The following OCA2 variants were observed in gnomAD, a reference collection of about 807,000 sequenced individuals.
OCA2 encodes P protein.
A neutral mutation model predicts 100.2 loss-of-function variants in OCA2; 77 were observed. The observed-to-expected ratio is 0.77, with a 90% CI of 0.64 to 0.93. The LOEUF is 0.93. Ranked by LOEUF, OCA2 falls within the 40% of genes least tolerant of loss-of-function variation. The pLI is 0.00. For synonymous variants in OCA2, 432 were observed against 439.2 expected (o/e 0.98, Z 0.21); for missense variants, 1,062 against 1,089.1 (o/e 0.98, Z 0.35).
chr15:28,073,547 G>A (rs1254648523), intron 2 of OCA2, among the ~76,000 whole-genome samples: 1 of 152,146 alleles, frequency 6.6e-6, no homozygotes, highest in East Asian at 1.9e-4. Flanking sequence ...GTTATGCATT[G>A]AGCACACATG....
intron 1 of OCA2, among the ~76,000 whole-genome samples, chr15:28,082,463 A>G (rs2044674897): frequency 6.6e-6 from 1 of 152,200 alleles, no homozygotes; most frequent in Non-Finnish European, 1.5e-5. Flanking sequence ...AGAACCCACC[A>G]GAAGGAACCA....
chr15:27,764,945 T>C (rs2031138278), intron 23 of OCA2, among the ~76,000 whole-genome samples: 1 of 152,206 alleles, frequency 6.6e-6, no homozygotes, highest in Admixed American at 6.5e-5. Context: ...AGCTATTTCT[T>C]GATATTTTGT....
chr15:28,045,961 G>T (rs1260166643), intron 2 of OCA2, among the ~76,000 whole-genome samples: 1 of 152,156 alleles, frequency 6.6e-6, no homozygotes, highest in Non-Finnish European at 1.5e-5. Context: ...CAGACCACCA[G>T]CTCTTCACCA....
At chr15:27,989,923 G>A (rs574419108) in intron 10 of OCA2, among the ~76,000 whole-genome samples, 6 of 152,284 alleles carry the variant, frequency 3.9e-5, no homozygotes, top group East Asian at 1.9e-4. Context: ...CCCACATGGC[G>A]GGACTGGCCC....
At chr15:27,932,191 G>A (rs772636825) in intron 18 of OCA2, among the ~76,000 whole-genome samples, 3 of 152,320 alleles carry the variant, frequency 2.0e-5, no homozygotes, top group Middle Eastern at 3.4e-3. Context: ...CTGCTCCCTG[G>A]TTCAGGTAGA....
At chr15:27,756,444 G>C (rs904707618) in intron 23 of OCA2, among the ~76,000 whole-genome samples, 1 of 152,206 alleles carries the variant, frequency 6.6e-6, no homozygotes, top group African/African-American at 2.4e-5. Flanking sequence ...GAAAGTGGTA[G>C]GATTCTCTTG....
chr15:27,975,267 T>C (rs2040929880), intron 14 of OCA2, among the ~76,000 whole-genome samples: 1 of 152,206 alleles, frequency 6.6e-6, no homozygotes, highest in African/African-American at 2.4e-5. Context: ...GCAGCATTCA[T>C]TAAATATTGT....
intron 23 of OCA2, among the ~76,000 whole-genome samples, chr15:27,759,227 G>T (rs199965542): frequency 7.9e-5 from 12 of 152,026 alleles, no homozygotes; most frequent in Non-Finnish European, 1.3e-4. Flanking sequence ...CAGGAATAAA[G>T]GGAGACTCAA....
intron 1 of OCA2, among the ~76,000 whole-genome samples, chr15:28,083,042 G>C (rs560637780): frequency 3.8e-4 from 58 of 152,308 alleles, no homozygotes; most frequent in African/African-American, 1.3e-3. Context: ...TGTGCACTTT[G>C]GCCATGCAGG....
At chr15:27,767,978 C>A (rs1351225076) in intron 23 of OCA2, among the ~76,000 whole-genome samples, 1 of 152,194 alleles carries the variant, frequency 6.6e-6, no homozygotes, top group Non-Finnish European at 1.5e-5. Flanking sequence ...AGCTCAGCAG[C>A]CACAATGGCA....
chr15:27,915,434 T>C (rs867676097), intron 19 of OCA2, among the ~76,000 whole-genome samples: 2 of 152,116 alleles, frequency 1.3e-5, no homozygotes, highest in African/African-American at 4.8e-5. Flanking sequence ...ACCAATGGAA[T>C]GGGAGAAAAT....
chr15:27,964,645 C>T (rs1262411622), intron 15 of OCA2, among the ~76,000 whole-genome samples: 1 of 152,202 alleles, frequency 6.6e-6, no homozygotes, highest in Non-Finnish European at 1.5e-5. Flanking sequence ...CTGGAAGTCA[C>T]TGAGATTTCA....
intron 23 of OCA2, among the ~76,000 whole-genome samples, chr15:27,795,239 G>C (rs1478440697): frequency 6.6e-6 from 1 of 152,116 alleles, no homozygotes; most frequent in Non-Finnish European, 1.5e-5. Context: ...TTATTTAATA[G>C]AGTATTTTAC....
intron 9 of OCA2, among the ~76,000 whole-genome samples, chr15:27,993,879 G>A (rs1008298946): frequency 4.6e-5 from 7 of 152,122 alleles, no homozygotes; most frequent in South Asian, 2.1e-4. Context: ...CTGATGATCC[G>A]CCTCTAGGAT....
intron 14 of OCA2, 37 bp downstream of exon 14, chr15:27,983,308 C>T (rs760880099): frequency 1.3e-5 from 21 of 1,613,080 alleles, no homozygotes; most frequent in African/African-American, 9.3e-5. Flanking sequence ...TGGAGGTGTG[C>T]GTTTACTGGA....
intron 18 of OCA2, among the ~76,000 whole-genome samples, chr15:27,937,885 A>G (rs1051064756): frequency 2.0e-5 from 3 of 152,228 alleles, no homozygotes; most frequent in Non-Finnish European, 4.4e-5. Context: ...ATTTAGTAGT[A>G]CACTTTGAGA....
intron 2 of OCA2, among the ~76,000 whole-genome samples, chr15:28,057,002 G>A (rs983225057): frequency 1.4e-4 from 21 of 152,334 alleles, no homozygotes; most frequent in Admixed American, 2.6e-4. Context: ...CAGAGGCAGT[G>A]GCTGCATTTC....
intron 19 of OCA2, among the ~76,000 whole-genome samples, chr15:27,884,919 A>G (rs1260484847): frequency 6.6e-6 from 1 of 152,182 alleles, no homozygotes; most frequent in African/African-American, 2.4e-5. Context: ...GACTGCACAG[A>G]TCGGTGGCCA....
chr15:27,926,294 G>A (rs1161086685), intron 18 of OCA2, 40 bp from the exon 19 acceptor site: 2 of 1,610,332 alleles, frequency 1.2e-6, no homozygotes, highest in South Asian at 1.1e-5. Context: ...TAGTTCCACT[G>A]TTAACACACC....
Sources: gnomAD v4.1 joint callset for allele counts (sites outside exome capture counted in the v4.1 genomes callset) on GRCh38, gnomAD v4.1.1 for gene constraint, MANE v1.5 for transcripts, NCBI Gene and HGNC (gene_info 2026-07-23, HGNC 2026-07-21) for gene names.